TRIM2: variants seen among roughly 807,000 people sequenced by gnomAD.
TRIM2 encodes tripartite motif-containing protein 2.
TRIM2 carries 20 observed loss-of-function variants against 75.2 expected under a neutral mutation model. That is an observed-to-expected ratio of 0.27 (90% CI 0.19 to 0.39). TRIM2 has a LOEUF of 0.39. TRIM2 is among the 10% of genes least tolerant of loss of function. TRIM2 has a pLI of 1.00. For synonymous variants in TRIM2, 373 were observed against 388.3 expected (o/e 0.96, Z 0.46); for missense variants, 660 against 990.8 (o/e 0.67, Z 4.48).
chr4:153,199,656 A>G (rs1057196059), upstream of TRIM2, among the ~76,000 whole-genome samples: 1 of 152,226 alleles, frequency 6.6e-6, no homozygotes, highest in Non-Finnish European at 1.5e-5. Context: ...GGGTGCAAGC[A>G]GGTCTACTGG....
Position 153,336,137 on chromosome 4 carries a change from C to T in TRIM2, c.*1171C>T, listed in dbSNP as rs1772416924. On this transcript the variant is annotated 3_prime_UTR_variant, in exon 12 of 12. Coordinates refer to ENST00000338700, the MANE Select transcript of TRIM2 (RefSeq NM_015271.5). ...TGTATTATATATATATATATATACA[C>T]ACACACATATATATAGCTGAATCTT... is the stretch of plus-strand genomic sequence containing the variant. 3.1e-6 allele frequency: 3 copies of T among 972,330 alleles called. No individual in the cohort carries two copies. Among genetic ancestry groups the T allele is most frequent in the African/African-American group, 3.7e-5 (2 of 53,830 alleles). The allele number at this position is 972,330 out of a possible 1,614,324, so 60.2% of individuals were successfully genotyped here.
intron 6 of TRIM2, 69 bp from the exon 7 acceptor site, chr4:153,315,416 T>G: frequency 7.8e-7 from 1 of 1,280,864 alleles, no homozygotes; most frequent in Non-Finnish European, 1.1e-6. Context: ...ATCTGAATTA[T>G]TCTCTTGCTG....
intron 1 of TRIM2, among the ~76,000 whole-genome samples, chr4:153,233,056 G>A (rs1744087792): frequency 6.6e-6 from 1 of 152,220 alleles, no homozygotes; most frequent in Non-Finnish European, 1.5e-5. Flanking sequence ...TCACAAGAGT[G>A]GGTGCGGCCT....
chr4:153,193,377 C>T (rs1401936936), intron 1 of TRIM2, among the ~76,000 whole-genome samples: 7 of 152,108 alleles, frequency 4.6e-5, no homozygotes, highest in Admixed American at 6.5e-5. Flanking sequence ...GTGATCCGCC[C>T]GCCTTGTCCT....
At chr4:153,196,180 C>T (rs970908576) in intron 1 of TRIM2, among the ~76,000 whole-genome samples, 3 of 152,132 alleles carry the variant, frequency 2.0e-5, no homozygotes, top group Admixed American at 6.5e-5. Flanking sequence ...AATCCCAGCA[C>T]GTCGGGAGGC....
intron 1 of TRIM2, among the ~76,000 whole-genome samples, chr4:153,204,882 G>T (rs560354126): frequency 7.2e-5 from 11 of 152,286 alleles, no homozygotes; most frequent in Non-Finnish European, 1.3e-4. Context: ...TCCTAACATA[G>T]GTAGTCACAG....
At chr4:153,240,351 GTGTTTTCTTTTCAATAT>G (rs1174473043) in intron 1 of TRIM2, among the ~76,000 whole-genome samples, 1 of 152,210 alleles carries the variant, frequency 6.6e-6, no homozygotes, top group Admixed American at 6.5e-5. Context: ...TTATTTGGTA[GTGTTTTCTTTTCAATAT>G]TGTTTTCAGA....
chr4:153,196,145 G>T (rs77653464), intron 1 of TRIM2, among the ~76,000 whole-genome samples: 11 of 152,188 alleles, frequency 7.2e-5, no homozygotes, highest in Non-Finnish European at 1.6e-4. Flanking sequence ...ATGAACATTG[G>T]CCGGGCAGGG....
At chr4:153,193,464 T>C (rs1176751460) in intron 1 of TRIM2, among the ~76,000 whole-genome samples, 1 of 152,198 alleles carries the variant, frequency 6.6e-6, no homozygotes, top group Non-Finnish European at 1.5e-5. Context: ...AATCTATGAA[T>C]GCAAGTAGAA....
At chr4:153,242,156 A>G (rs1449482125) in intron 1 of TRIM2, among the ~76,000 whole-genome samples, 3 of 152,200 alleles carry the variant, frequency 2.0e-5, no homozygotes, top group Non-Finnish European at 4.4e-5. Flanking sequence ...ATTTGACCGG[A>G]TTAAAAGGCT....
chr4:153,153,605 C>A (rs991792307), intron 1 of TRIM2, among the ~76,000 whole-genome samples: 4 of 152,242 alleles, frequency 2.6e-5, no homozygotes, highest in African/African-American at 9.6e-5. Context: ...CCGATCTTTC[C>A]GGCCCTTTTT....
At chr4:153,217,931 A>G (rs1442193933) in intron 1 of TRIM2, among the ~76,000 whole-genome samples, 1 of 152,230 alleles carries the variant, frequency 6.6e-6, no homozygotes, top group Non-Finnish European at 1.5e-5. Context: ...AAAATGTTCA[A>G]CATCACCAAT....
rs1468524059 is a variant in TRIM2, at chr4:153,335,845, G to A, written c.*879G>A. ...CTCTTCTCTTCGACTTCCTGAAAGC[G>A]AAAGCTTTACCTCCTGCAAATGTCA... On this transcript the variant is annotated 3_prime_UTR_variant, in exon 12 of 12. Transcript: ENST00000338700. 17 of 985,622 alleles carry A rather than the reference G, an allele frequency of 1.7e-5. No homozygotes were observed. Among genetic ancestry groups the A allele is most frequent in the Non-Finnish European group, 1.9e-5 (16 of 829,924 alleles). The allele number at this position is 985,622 out of a possible 1,614,324, so 61.1% of individuals were successfully genotyped here.
In TRIM2 at chr4:153,293,153, A is replaced by T; in HGVS notation, c.605+20A>T. 1.3e-6 allele frequency: 2 copies of T among 1,590,274 alleles called. No individual in the cohort carries two copies. The highest frequency in any genetic ancestry group is 1.7e-6 in the Non-Finnish European group (2 of 1,163,070). ...CAAAAGGTGGGGGACCCCTCCCCAA[A>T]CCCCCAACTGGCTGCCTGTACTTGA... On this transcript the variant is annotated intron_variant, in intron 4 of 11. Coordinates refer to ENST00000338700, the MANE Select transcript of TRIM2 (RefSeq NM_015271.5).
At chr4:153,279,512 T>A (rs973238616) in intron 3 of TRIM2, among the ~76,000 whole-genome samples, 1 of 152,158 alleles carries the variant, frequency 6.6e-6, no homozygotes, top group African/African-American at 2.4e-5. Context: ...TTACAAAGTA[T>A]TGGAAGTGGA....
chr4:153,301,348 A>G (rs775278365), intron 6 of TRIM2, among the ~76,000 whole-genome samples: 10 of 152,180 alleles, frequency 6.6e-5, no homozygotes, highest in Non-Finnish European at 1.0e-4. Flanking sequence ...CTATTTTAAA[A>G]TCAGGCTATT....
chr4:153,243,127 A>C (rs1216539504), intron 1 of TRIM2, among the ~76,000 whole-genome samples: 1 of 152,204 alleles, frequency 6.6e-6, no homozygotes, highest in Non-Finnish European at 1.5e-5. Context: ...TTCCTGCTTC[A>C]TTACTGGTGG....
chr4:153,222,017 A>AGG (rs1740562091), intron 1 of TRIM2, among the ~76,000 whole-genome samples: 1 of 94,904 alleles, frequency 1.1e-5, no homozygotes, highest in Non-Finnish European at 2.2e-5. Flanking sequence ...GAAGGAAGGA[A>AGG]AGAGCAAGGA....
chr4:153,307,698 T>C (rs761862115), intron 6 of TRIM2: 17 of 537,340 alleles, frequency 3.2e-5, no homozygotes, highest in Non-Finnish European at 5.3e-5. Flanking sequence ...CAAGCGGGTT[T>C]TCTAGACCTG....
Sources: gnomAD v4.1 joint callset for allele counts (sites outside exome capture counted in the v4.1 genomes callset) on GRCh38, gnomAD v4.1.1 for gene constraint, MANE v1.5 for transcripts, NCBI Gene and HGNC (gene_info 2026-07-23, HGNC 2026-07-21) for gene names.